RNF150: variants seen among roughly 807,000 people sequenced by gnomAD.
The protein encoded by RNF150 is ring finger protein 150.
A neutral mutation model predicts 39.3 loss-of-function variants in RNF150; 24 were observed. The observed-to-expected ratio is 0.61, with a 90% CI of 0.44 to 0.86. The LOEUF (loss-of-function observed/expected upper bound fraction) is 0.86, where lower values mean the gene tolerates loss of function less well. RNF150 is among the 40% of genes least tolerant of loss of function. The pLI is 0.00. For missense variants in RNF150, 502 were observed against 587.8 expected (o/e 0.85, Z 1.51); for synonymous variants, 255 against 227.3 (o/e 1.12, Z -1.10).
intron 6 of RNF150, among the ~76,000 whole-genome samples, chr4:140,868,623 A>G (rs1464826834): frequency 6.6e-6 from 1 of 152,238 alleles, no homozygotes; most frequent in South Asian, 2.1e-4. Context: ...AGGAAAATAT[A>G]TATCTACCGT....
chr4:140,992,431 A>G (rs565577282), intron 1 of RNF150, among the ~76,000 whole-genome samples: 1 of 152,234 alleles, frequency 6.6e-6, no homozygotes, highest in South Asian at 2.1e-4. Flanking sequence ...GAATGGGGAA[A>G]AAAAAGGAAT....
chr4:140,925,616 C>T (rs1414341311), intron 5 of RNF150, among the ~76,000 whole-genome samples: 2 of 152,074 alleles, frequency 1.3e-5, no homozygotes, highest in Non-Finnish European at 2.9e-5. Flanking sequence ...TCCTGATGGC[C>T]AAACAAGGGT....
chr4:140,875,351 T>A (rs1183404741), intron 6 of RNF150, among the ~76,000 whole-genome samples: 2 of 152,066 alleles, frequency 1.3e-5, no homozygotes, highest in Non-Finnish European at 2.9e-5. Flanking sequence ...TTAAAATATT[T>A]TTTTTCATAC....
chr4:141,093,314 T>C (rs1384278024), intron 1 of RNF150, among the ~76,000 whole-genome samples: 4 of 143,214 alleles, frequency 2.8e-5, no homozygotes, highest in African/African-American at 1.0e-4. Context: ...TGCAGTGAGC[T>C]GAGATCACAC....
intron 1 of RNF150, among the ~76,000 whole-genome samples, chr4:140,990,174 C>A (rs911927371): frequency 6.6e-6 from 1 of 152,190 alleles, no homozygotes; most frequent in Non-Finnish European, 1.5e-5. Context: ...CCTCTTCTGA[C>A]ACCTGTGGCT....
chr4:141,206,677 G>T (rs1728380486), intron 1 of RNF150, among the ~76,000 whole-genome samples: 1 of 152,052 alleles, frequency 6.6e-6, no homozygotes, highest in Non-Finnish European at 1.5e-5. Context: ...TTTGCAGGTT[G>T]TATTAGTTAG....
At chr4:141,197,086 C>T (rs909163368) in intron 1 of RNF150, among the ~76,000 whole-genome samples, 6 of 152,036 alleles carry the variant, frequency 3.9e-5, no homozygotes, top group Admixed American at 6.6e-5. Context: ...TACTCCTTTG[C>T]GCTATTTCCT....
intron 1 of RNF150, among the ~76,000 whole-genome samples, chr4:141,184,870 T>C (rs1727973374): frequency 6.8e-6 from 1 of 147,020 alleles, no homozygotes; most frequent in South Asian, 2.1e-4. Context: ...TATATATCTG[T>C]GTGTGTGTGT....
In RNF150 at chr4:140,898,855, C is replaced by A. The variant is rs372606220; in HGVS notation, c.1198+12289G>T. Among the ~76,000 whole-genome samples, 11 of 152,250 alleles carry A rather than the reference C, an allele frequency of 7.2e-5. No individual in the cohort carries two copies. The East Asian group carries it at 1.9e-3, about 27-fold the overall frequency. ...TCATTCCACTGTTCTTGTTGCACAGCAGGAGTGTAAGTGCAGCCAATACTT... is the reference window on the plus strand; with the variant it reads ...TCATTCCACTGTTCTTGTTGCACAGAAGGAGTGTAAGTGCAGCCAATACTT... On this transcript the variant is annotated intron_variant, in intron 6 of 6. Coordinates refer to ENST00000515673, the MANE Select transcript of RNF150 (RefSeq NM_020724.2).
chr4:140,903,224 G>A (rs1001093815), intron 6 of RNF150, among the ~76,000 whole-genome samples: 3 of 152,158 alleles, frequency 2.0e-5, no homozygotes, highest in African/African-American at 4.8e-5. Context: ...GGCTAGTGGT[G>A]TTTCCGTGGT....
intron 2 of RNF150, among the ~76,000 whole-genome samples, chr4:140,962,110 A>G (rs574240840): frequency 4.6e-4 from 69 of 150,402 alleles, no homozygotes; most frequent in South Asian, 6.3e-4. Flanking sequence ...ACACGCGCGC[A>G]CACACACACA....
chr4:140,962,924 A>G (rs1418907467), intron 2 of RNF150, among the ~76,000 whole-genome samples: 1 of 151,998 alleles, frequency 6.6e-6, no homozygotes, highest in African/African-American at 2.4e-5. Context: ...AGAGGGACAT[A>G]CTATTCAATA....
intron 1 of RNF150, among the ~76,000 whole-genome samples, chr4:141,025,365 C>T (rs1423237549): frequency 6.6e-6 from 1 of 151,714 alleles, no homozygotes; most frequent in South Asian, 2.1e-4. Context: ...AGAAGATTAC[C>T]GAGCAGGAGG....
At chr4:141,052,125 C>A (rs936443299) in intron 1 of RNF150, among the ~76,000 whole-genome samples, 3 of 151,904 alleles carry the variant, frequency 2.0e-5, no homozygotes, top group African/African-American at 7.3e-5. Context: ...CAGAAAAGAC[C>A]CACCCCTCAT....
intron 1 of RNF150, among the ~76,000 whole-genome samples, chr4:141,153,072 A>T (rs193201817): frequency 6.6e-6 from 1 of 151,938 alleles, no homozygotes; most frequent in African/African-American, 2.4e-5. Context: ...AATACACATA[A>T]TTTTTTTCTT....
chr4:140,982,528 T>C lies in RNF150; in HGVS notation c.485-14655A>G, dbSNP rs567703885. Among the ~76,000 whole-genome samples the C allele has an allele frequency of 2.6e-5, 4 of 151,724 alleles. No homozygotes were observed. In the South Asian group the frequency reaches 8.4e-4, roughly 32 times the overall value. Reference sequence around the variant, plus strand: ...ATGTAGCACAGACTTTTTTTTTTTTTTTTTGGTGAGAATTTTTCAGCAGGA... The same window carrying C: ...ATGTAGCACAGACTTTTTTTTTTTTCTTTTGGTGAGAATTTTTCAGCAGGA... On this transcript the variant is annotated intron_variant, in intron 1 of 6. Transcript: ENST00000515673.
chr4:141,205,535 A>G (rs1728361169), intron 1 of RNF150, among the ~76,000 whole-genome samples: 2 of 152,178 alleles, frequency 1.3e-5, no homozygotes, highest in South Asian at 4.1e-4. Context: ...CTTCTAATGA[A>G]TATTTTTGTT....
chr4:141,202,789 CA>C (rs1436189453), intron 1 of RNF150, among the ~76,000 whole-genome samples: 6 of 151,208 alleles, frequency 4.0e-5, no homozygotes, highest in South Asian at 4.2e-4. Context: ...TATATAGAGA[CA>C]AAAAAATTTC....
intron 4 of RNF150, among the ~76,000 whole-genome samples, chr4:140,941,128 A>G (rs1732067802): frequency 6.6e-6 from 1 of 152,196 alleles, no homozygotes; most frequent in Non-Finnish European, 1.5e-5. Flanking sequence ...GCTAAAAAAC[A>G]CCTTTTGGCT....
Sources: allele counts gnomAD v4.1 joint callset (sites outside exome capture counted in the v4.1 genomes callset), GRCh38; gene constraint gnomAD v4.1.1; transcripts MANE v1.5; gene names NCBI Gene and HGNC (gene_info 2026-07-23, HGNC 2026-07-21).